The following CUL5 variants were observed in gnomAD, a reference collection of about 807,000 sequenced individuals.
CUL5 encodes cullin-5.
In CUL5, 26 loss-of-function variants were observed where a neutral mutation model predicts 108.8. The observed-to-expected ratio is 0.24, with a 90% CI of 0.18 to 0.33. CUL5 has a LOEUF of 0.33. Ranked by LOEUF, CUL5 falls within the 10% of genes least tolerant of loss-of-function variation. The pLI, the probability that CUL5 is intolerant of heterozygous loss-of-function variation, is 1.00. For missense variants in CUL5, 524 were observed against 909.2 expected (o/e 0.58, Z 5.45); for synonymous variants, 334 against 298.0 (o/e 1.12, Z -1.25).
intron 14 of CUL5, 39 bp downstream of exon 14, chr11:108,094,553 T>A (rs567336898): frequency 1.8e-6 from 2 of 1,115,108 alleles, no homozygotes; most frequent in Middle Eastern, 3.0e-4. Context: ...TTTTTAAACT[T>A]AGAAGAATAT....
rs1294726257 is a variant in CUL5, at chr11:108,097,618, T to C, written c.1906-18T>C. 7 of 1,400,132 alleles carry C rather than the reference T, an allele frequency of 5.0e-6. No individual in the cohort carries two copies. The highest frequency in any genetic ancestry group is 2.3e-5 in the East Asian group (1 of 43,798). 86.7% of individuals were successfully genotyped at this position (1,400,132 alleles called of 1,614,324 possible). On this transcript the variant is annotated intron_variant, in intron 16 of 18. Transcript: ENST00000393094. ...TACTGTTTATAGATGCTAATTGTTT[T>C]CTCCTTATTCTTCATAGTCTTTAGT...
At chr11:108,100,486 G>A (rs1864630446) in intron 18 of CUL5, among the ~76,000 whole-genome samples, 1 of 152,204 alleles carries the variant, frequency 6.6e-6, no homozygotes, top group Non-Finnish European at 1.5e-5. Flanking sequence ...AGAGGTTGCA[G>A]TGAGCCTAGA....
rs756436977 is a variant in CUL5, at chr11:108,107,469, T to G, written c.*3085T>G. 2.0e-4 allele frequency: 31 copies of G among 152,738 alleles called. No homozygotes were observed. Among genetic ancestry groups the G allele is most frequent in the Middle Eastern group, 3.4e-3 (1 of 294 alleles). The allele number at this position is 152,738 out of a possible 1,614,324, so 9.5% of individuals were successfully genotyped here. A position where few individuals can be genotyped will look rare whatever the true frequency, so the allele number is the denominator to read the frequency against. ...TGCTGTCTTATGAATTCTTCCAAGG[T>G]CATGTTTGTGAAATAAACATTACAT... On this transcript the variant is annotated 3_prime_UTR_variant, in exon 19 of 19. Coordinates refer to ENST00000393094, the MANE Select transcript of CUL5 (RefSeq NM_003478.6).
At chr11:108,022,137 A>G (rs1235576134) in intron 1 of CUL5, among the ~76,000 whole-genome samples, 1 of 152,054 alleles carries the variant, frequency 6.6e-6, no homozygotes, top group Non-Finnish European at 1.5e-5. Flanking sequence ...TTTCTTTTAA[A>G]TGCAACATTT....
At chr11:108,075,388 C>A (rs1007637526) in intron 10 of CUL5, among the ~76,000 whole-genome samples, 1 of 152,114 alleles carries the variant, frequency 6.6e-6, no homozygotes, top group African/African-American at 2.4e-5. Context: ...GCATAGGCAA[C>A]ACATATTTCT....
chr11:108,095,967 G>A (rs1158678492), intron 16 of CUL5, among the ~76,000 whole-genome samples: 2 of 151,314 alleles, frequency 1.3e-5, no homozygotes, highest in Non-Finnish European at 2.9e-5. Flanking sequence ...GTGGTGGTGG[G>A]CGCCTGTAAT....
chr11:108,068,010 T>C (rs1362999216), intron 7 of CUL5, among the ~76,000 whole-genome samples: 2 of 151,906 alleles, frequency 1.3e-5, no homozygotes, highest in Non-Finnish European at 2.9e-5. Context: ...CTCACTGCAA[T>C]CTCTGCCTCC....
chr11:108,068,212 C>T (rs577826407), intron 7 of CUL5, among the ~76,000 whole-genome samples: 2 of 152,282 alleles, frequency 1.3e-5, no homozygotes, highest in South Asian at 4.2e-4. Context: ...AGCCACCACG[C>T]CCAGCCATGT....
intron 17 of CUL5, 43 bp from the exon 18 acceptor site, chr11:108,098,363 A>G: frequency 6.5e-7 from 1 of 1,539,290 alleles, no homozygotes. Context: ...GGATTTTTAA[A>G]GTGTTTTTCA....
At position 108,104,413 on chromosome 11, in the gene CUL5, C is replaced by A; in HGVS notation, c.*29C>A. On this transcript the variant is annotated 3_prime_UTR_variant, in exon 19 of 19. Transcript: ENST00000393094. The stretch of plus-strand genomic sequence containing the variant: ...TGAATATCATGGACAATATTTAGAA[C>A]CCAAATTTTGGAGTGCTTGGGCAGA... 2 of 1,421,058 alleles carry A rather than the reference C, an allele frequency of 1.4e-6. No individual in the cohort carries two copies. Among genetic ancestry groups the A allele is most frequent in the Non-Finnish European group, 1.9e-6 (2 of 1,071,960 alleles). The allele number at this position is 1,421,058 out of a possible 1,614,324, so 88.0% of individuals were successfully genotyped here. A position where few individuals can be genotyped will look rare whatever the true frequency, so the allele number is the denominator to read the frequency against.
rs920048047 is a variant in CUL5, at chr11:108,046,330, A to G, written c.195A>G (p.Leu65=). 22 of 1,612,896 alleles carry G rather than the reference A, an allele frequency of 1.4e-5. No homozygotes were observed. The highest frequency in any genetic ancestry group is 3.3e-5 in the South Asian group (3 of 90,946). ...GCCCAGCAAAAATTCATCAGGCTTTAAAAGAAGATATTCTTGAGTTTATTA... is the reference window on the plus strand; with the variant it reads ...GCCCAGCAAAAATTCATCAGGCTTTGAAAGAAGATATTCTTGAGTTTATTA... ...DKGPAKIHQA[L]KEDILEFIKQ... Residue 65 remains leucine (L), a synonymous_variant, in exon 3 of 19, where the codon TTA becomes TTG. Transcript: ENST00000393094.
In CUL5 at chr11:108,104,217, A is replaced by C. The variant is rs761495057; in HGVS notation, c.2176A>C (p.Arg726=). The C allele has an allele frequency of 1.1e-5, 18 of 1,581,556 alleles. 1 individual carries two copies. In the Middle Eastern group the frequency reaches 2.0e-3, roughly 172 times the overall value. ...AGCTATCATACAAATAATGAAAATG[A>C]GAAAGAAAATTAGTAATGCTCAGCT... The part of the protein sequence containing the change: ...QEAIIQIMKM[R]KKISNAQLQT... Residue 726 remains arginine (R), a synonymous_variant, in exon 19 of 19, where the codon AGA becomes CGA. Coordinates refer to ENST00000393094, the MANE Select transcript of CUL5 (RefSeq NM_003478.6).
intron 10 of CUL5, among the ~76,000 whole-genome samples, chr11:108,076,770 G>A (rs1863951268): frequency 6.6e-6 from 1 of 152,190 alleles, no homozygotes. Context: ...TATGAAGATA[G>A]ACTATTCAGG....
chr11:108,095,013 T>A, intron 15 of CUL5, 26 bp downstream of exon 15: 1 of 1,570,374 alleles, frequency 6.4e-7, no homozygotes, highest in Non-Finnish European at 8.7e-7. Flanking sequence ...GTTAGTTATT[T>A]CAGCTTTCAG....
In CUL5 at chr11:108,029,155, A is replaced by G. The variant is rs547259342; in HGVS notation, c.25-4647A>G. Among the ~76,000 whole-genome samples the G allele has an allele frequency of 4.1e-4, 62 of 152,088 alleles. No homozygotes were observed. In the South Asian group the frequency reaches 0.012, roughly 31 times the overall value. ...TTCCCCACGGCCCATTTGTGTGAGA[A>G]GAAGAGTGCCTGTGAAGGGATTAGT... On this transcript the variant is annotated intron_variant, in intron 1 of 18. Coordinates refer to ENST00000393094, the MANE Select transcript of CUL5 (RefSeq NM_003478.6).
chr11:108,025,842 G>A (rs1198351646), intron 1 of CUL5, among the ~76,000 whole-genome samples: 8 of 152,222 alleles, frequency 5.3e-5, no homozygotes, highest in East Asian at 3.9e-4. Flanking sequence ...CTTAAATGTA[G>A]TGAAACCCCT....
At chr11:108,089,716 C>G in intron 13 of CUL5, 93 bp downstream of exon 13, 1 of 711,328 alleles carries the variant, frequency 1.4e-6, no homozygotes, top group South Asian at 2.9e-5. Context: ...TTGTTAATGT[C>G]AAAGAAGTAG....
chr11:108,090,930 A>G lies in CUL5; in HGVS notation c.1443+1307A>G, dbSNP rs969179062. 4.6e-5 allele frequency among the ~76,000 whole-genome samples: 7 copies of G among 152,312 alleles called. No homozygotes were observed. In the East Asian group the frequency reaches 7.7e-4, roughly 17 times the overall value. On this transcript the variant is annotated intron_variant, in intron 13 of 18. Coordinates refer to ENST00000393094, the MANE Select transcript of CUL5 (RefSeq NM_003478.6). Reference sequence around the variant, plus strand: ...GATTATTCTGTGACTTTTTAAAACTATTGTCAAAAGACTCAAAACTCTTAC... The same window carrying G: ...GATTATTCTGTGACTTTTTAAAACTGTTGTCAAAAGACTCAAAACTCTTAC...
At chr11:108,066,343 C>CA (rs61324649) in intron 7 of CUL5, among the ~76,000 whole-genome samples, 1,776 of 144,670 alleles carry the variant, frequency 0.012, 26 homozygotes, top group African/African-American at 0.038. Flanking sequence ...GACTCTGTCT[C>CA]AAAAAAAAAA....
Sources: allele counts gnomAD v4.1 joint callset (sites outside exome capture counted in the v4.1 genomes callset), GRCh38; gene constraint gnomAD v4.1.1; transcripts MANE v1.5; gene names NCBI Gene and HGNC (gene_info 2026-07-23, HGNC 2026-07-21).